Variants in SLC9A9 observed in about 807,000 individuals in gnomAD.
SLC9A9 encodes sodium/hydrogen exchanger 9.
A neutral mutation model predicts 77.8 loss-of-function variants in SLC9A9; 62 were observed. The ratio of observed to expected loss-of-function variants is 0.80; its 90% confidence interval spans 0.65 to 0.98. The LOEUF (loss-of-function observed/expected upper bound fraction) is 0.98. Among genes scored for constraint, SLC9A9 ranks in the 50% least tolerant of loss-of-function variants. The pLI is 0.00. For synonymous variants in SLC9A9, 320 were observed against 283.5 expected (o/e 1.13, Z -1.29); for missense variants, 775 against 774.9 (o/e 1.00, Z 0.00).
In SLC9A9 at chr3:143,709,163, T is replaced by C. The variant is rs1167668793; in HGVS notation, c.534-15856A>G. Among the ~76,000 whole-genome samples the C allele has an allele frequency of 3.9e-5, 6 of 152,316 alleles. No individual in the cohort carries two copies. The East Asian group carries it at 7.7e-4, about 20-fold the overall frequency. On this transcript the variant is annotated intron_variant, in intron 4 of 15. Transcript: ENST00000316549. ...GGTGAATTCTTCTACTATGTATTGC[T>C]ATATTGTATAATTTAGTGATCTCAA...
chr3:143,829,304 T>G (rs777105444), intron 2 of SLC9A9, among the ~76,000 whole-genome samples: 1 of 152,166 alleles, frequency 6.6e-6, no homozygotes, highest in Non-Finnish European at 1.5e-5. Context: ...GACTCTTCTC[T>G]TCACACTGTT....
At chr3:143,450,884 C>T (rs1576506978) in intron 12 of SLC9A9, among the ~76,000 whole-genome samples, 1 of 152,314 alleles carries the variant, frequency 6.6e-6, no homozygotes, top group East Asian at 1.9e-4. Context: ...ACTCCCAGCA[C>T]TGCAGCTGAG....
intron 13 of SLC9A9, among the ~76,000 whole-genome samples, chr3:143,366,081 T>C (rs1163235181): frequency 1.3e-5 from 2 of 152,208 alleles, no homozygotes; most frequent in African/African-American, 4.8e-5. Context: ...CCAATTTTTG[T>C]TTGTTTTTAA....
intron 4 of SLC9A9, among the ~76,000 whole-genome samples, chr3:143,725,279 C>T (rs1263567350): frequency 6.6e-6 from 1 of 152,142 alleles, no homozygotes; most frequent in African/African-American, 2.4e-5. Flanking sequence ...CACTTTTACA[C>T]TGTTGGTGGG....
rs150949098 is a variant in SLC9A9, at chr3:143,655,076, C to A, written c.650-2716G>T. On this transcript the variant is annotated intron_variant, in intron 5 of 15. Coordinates refer to ENST00000316549, the MANE Select transcript of SLC9A9 (RefSeq NM_173653.4). ...TTTGAAATAAAGCTAGACAGTGTGTCCTACAAGAGGGAGTATTTTGCTGGG... is the reference window on the plus strand; with the variant it reads ...TTTGAAATAAAGCTAGACAGTGTGTACTACAAGAGGGAGTATTTTGCTGGG... Among the ~76,000 whole-genome samples the A allele has an allele frequency of 5.7e-3, 862 of 152,308 alleles. 5 individuals carry two copies. Among genetic ancestry groups the A allele is most frequent in the African/African-American group, 0.019 (793 of 41,546 alleles).
chr3:143,280,304 A>T (rs558859481), intron 14 of SLC9A9, among the ~76,000 whole-genome samples: 2 of 152,336 alleles, frequency 1.3e-5, no homozygotes, highest in East Asian at 3.9e-4. Flanking sequence ...TGTTGACTGT[A>T]ACCCATTGAG....
At chr3:143,645,763 T>C (rs774133274) in intron 6 of SLC9A9, among the ~76,000 whole-genome samples, 3 of 152,126 alleles carry the variant, frequency 2.0e-5, no homozygotes, top group Non-Finnish European at 2.9e-5. Context: ...ACAAAATTGG[T>C]GCTCCATTTC....
At chr3:143,335,785 T>C (rs1379632372) in intron 14 of SLC9A9, among the ~76,000 whole-genome samples, 1 of 152,164 alleles carries the variant, frequency 6.6e-6, no homozygotes, top group Non-Finnish European at 1.5e-5. Flanking sequence ...GACCTAAGTA[T>C]AAGATCTAAA....
chr3:143,398,396 C>T (rs1408660646), intron 12 of SLC9A9, among the ~76,000 whole-genome samples: 1 of 152,084 alleles, frequency 6.6e-6, no homozygotes, highest in Non-Finnish European at 1.5e-5. Context: ...AAGGTATCTC[C>T]ACCATGAAGC....
Position 143,766,056 on chromosome 3 carries a change from G to A in SLC9A9, c.533+28945C>T, listed in dbSNP as rs77438895. Among the ~76,000 whole-genome samples, 1,342 of 152,286 alleles carry A rather than the reference G, an allele frequency of 8.8e-3. 17 individuals are homozygous for A. Among genetic ancestry groups the A allele is most frequent in the African/African-American group, 0.031 (1,282 of 41,548 alleles). On this transcript the variant is annotated intron_variant, in intron 4 of 15. Coordinates refer to ENST00000316549, the MANE Select transcript of SLC9A9 (RefSeq NM_173653.4). Reference sequence around the variant, plus strand: ...CAACTGATACAAGAAGAATCACCCAGCAGAGCAAAGCCTAAAGCCCTGACC... The same window carrying A: ...CAACTGATACAAGAAGAATCACCCAACAGAGCAAAGCCTAAAGCCCTGACC...
intron 14 of SLC9A9, among the ~76,000 whole-genome samples, chr3:143,322,092 CTCTT>C (rs2031441245): frequency 6.6e-6 from 1 of 152,202 alleles, no homozygotes. Flanking sequence ...TTGCTCTCAT[CTCTT>C]TTTTCTTTTT....
intron 4 of SLC9A9, among the ~76,000 whole-genome samples, chr3:143,753,318 G>A (rs1049379030): frequency 2.2e-4 from 34 of 152,264 alleles, no homozygotes; most frequent in Non-Finnish European, 3.7e-4. Context: ...ATTCAAGTTG[G>A]TGAATAGAGG....
At chr3:143,483,976 A>G (rs1159579785) in intron 11 of SLC9A9, among the ~76,000 whole-genome samples, 3 of 152,200 alleles carry the variant, frequency 2.0e-5, no homozygotes, top group African/African-American at 7.2e-5. Context: ...CTGCTGAATG[A>G]ATGACTATCT....
At chr3:143,497,963 T>G (rs1180416208) in intron 9 of SLC9A9, among the ~76,000 whole-genome samples, 1 of 152,184 alleles carries the variant, frequency 6.6e-6, no homozygotes, top group Non-Finnish European at 1.5e-5. Context: ...TTTGTTTTGA[T>G]TTTTTCTATT....
At chr3:143,384,313 T>TG (rs2033371105) in intron 12 of SLC9A9, among the ~76,000 whole-genome samples, 1 of 152,060 alleles carries the variant, frequency 6.6e-6, no homozygotes, top group African/African-American at 2.4e-5. Flanking sequence ...AGCTGTGTGG[T>TG]GGATCAGAGC....
At chr3:143,440,420 G>A (rs1279462991) in intron 12 of SLC9A9, among the ~76,000 whole-genome samples, 2 of 152,168 alleles carry the variant, frequency 1.3e-5, no homozygotes, top group Non-Finnish European at 2.9e-5. Context: ...GGGTTACGGG[G>A]AAGACTAACG....
chr3:143,344,603 T>G (rs2032204788), intron 14 of SLC9A9: 1 of 152,214 alleles, frequency 6.6e-6, no homozygotes, highest in Non-Finnish European at 1.5e-5. Context: ...AGGTAAGGCA[T>G]TAGTCCATTT....
chr3:143,623,814 A>G (rs930736206), intron 6 of SLC9A9, among the ~76,000 whole-genome samples: 27 of 152,328 alleles, frequency 1.8e-4, no homozygotes, highest in African/African-American at 6.3e-4. Flanking sequence ...CAAAAAATCA[A>G]TGAATCCAGG....
intron 12 of SLC9A9, among the ~76,000 whole-genome samples, chr3:143,455,156 T>C (rs539627788): frequency 6.6e-6 from 1 of 152,320 alleles, no homozygotes; most frequent in Admixed American, 6.5e-5. Context: ...CTTATTCTAA[T>C]ACCATTTGCT....
Sources: gnomAD v4.1 joint callset for allele counts (sites outside exome capture counted in the v4.1 genomes callset) on GRCh38, gnomAD v4.1.1 for gene constraint, MANE v1.5 for transcripts, NCBI Gene and HGNC (gene_info 2026-07-23, HGNC 2026-07-21) for gene names.